Variants in FGF14 observed in about 807,000 individuals in gnomAD.
FGF14 encodes the protein fibroblast growth factor homologous factor 4.
FGF14 carries 5 observed loss-of-function variants against 25.5 expected under a neutral mutation model. The ratio of observed to expected loss-of-function variants is 0.20; its 90% CI spans 0.10 to 0.41. The LOEUF (loss-of-function observed/expected upper bound fraction) is 0.41, where lower values mean the gene tolerates loss of function less well. Among genes scored for constraint, FGF14 ranks in the 10% least tolerant of loss-of-function variants. FGF14 has a pLI of 1.00. For synonymous variants in FGF14, 138 were observed against 118.3 expected, an observed-to-expected ratio of 1.17 and a Z score of -1.08; for missense variants, 222 against 320.1, an observed-to-expected ratio of 0.69 and a Z score of 2.34.
Position 101,714,402 on chromosome 13 carries a change from TA to T in FGF14, c.*8428del. ...TATTCGAGATGGAAACCTTTAGTTA[TA>T]AGGTGATGGTGAGTAATAGCCTTTG... On this transcript the variant is annotated 3_prime_UTR_variant, in exon 5 of 5. Transcript: ENST00000376143. 8.7e-7 allele frequency: 1 copy of T among 1,150,474 alleles called. No homozygotes were observed. The highest frequency in any genetic ancestry group is 1.3e-6 in the Non-Finnish European group (1 of 757,770). The allele number at this position is 1,150,474 out of a possible 1,614,324, so 71.3% of individuals were successfully genotyped here.
At chr13:102,078,197 A>T (rs974761243) in intron 1 of FGF14, among the ~76,000 whole-genome samples, 6 of 152,186 alleles carry the variant, frequency 3.9e-5, no homozygotes, top group Non-Finnish European at 8.8e-5. Context: ...AGAAAAAATA[A>T]ATTCAAGAAA....
At chr13:102,057,450 A>C (rs2042484286) in intron 1 of FGF14, among the ~76,000 whole-genome samples, 1 of 152,148 alleles carries the variant, frequency 6.6e-6, no homozygotes, top group Non-Finnish European at 1.5e-5. Context: ...CCACAATTGG[A>C]TGGAGTAATT....
At chr13:101,794,231 C>G (rs145076259) in intron 3 of FGF14, among the ~76,000 whole-genome samples, 1 of 152,020 alleles carries the variant, frequency 6.6e-6, no homozygotes, top group African/African-American at 2.4e-5. Flanking sequence ...TACTGAGGCT[C>G]TCTGTAAGCA....
intron 3 of FGF14, among the ~76,000 whole-genome samples, chr13:101,742,194 T>G (rs889935996): frequency 1.3e-5 from 2 of 152,142 alleles, no homozygotes; most frequent in Admixed American, 1.3e-4. Context: ...ATCCATGTAA[T>G]TAGGACAAAT....
intron 1 of FGF14, among the ~76,000 whole-genome samples, chr13:102,257,337 C>CTTTTTTTTTTTTTT (rs2052492542): frequency 4.0e-5 from 1 of 24,978 alleles, no homozygotes; most frequent in Non-Finnish European, 9.1e-5. Context: ...CATTTCCTTT[C>CTTTTTTTTTTTTTT]TTTTCTTTTT....
Position 102,140,299 on chromosome 13 carries a change from A to C in FGF14, c.208+261172T>G, listed in dbSNP as rs374374982. The stretch of plus-strand genomic sequence containing the variant: ...ATCTGGTATATAGCAGATACTCAAT[A>C]ATGTTAACTAATTTTGCTATTATAT... On this transcript the variant is annotated intron_variant, in intron 1 of 4. Coordinates refer to the FGF14 transcript ENST00000376131. Among the ~76,000 whole-genome samples the C allele has an allele frequency of 3.9e-5, 6 of 152,270 alleles. No homozygotes were observed. In the East Asian group the frequency reaches 1.2e-3, roughly 29 times the overall value.
At chr13:101,937,946 T>C (rs2035211394) in intron 1 of FGF14, among the ~76,000 whole-genome samples, 1 of 152,134 alleles carries the variant, frequency 6.6e-6, no homozygotes. Flanking sequence ...CTTATGACAG[T>C]CCTAGAAAAC....
intron 1 of FGF14, among the ~76,000 whole-genome samples, chr13:102,270,978 G>T (rs933740723): frequency 6.6e-6 from 1 of 152,148 alleles, no homozygotes; most frequent in African/African-American, 2.4e-5. Flanking sequence ...TTTGCTGAAA[G>T]AAATGAATGC....
At chr13:101,859,805 C>T (rs2044315530) in intron 3 of FGF14, among the ~76,000 whole-genome samples, 2 of 152,204 alleles carry the variant, frequency 1.3e-5, no homozygotes, top group African/African-American at 4.8e-5. Context: ...CTGCTGATCA[C>T]CTCTGGAAGG....
At chr13:102,390,973 C>T (rs2058418767) in intron 1 of FGF14, among the ~76,000 whole-genome samples, 1 of 152,042 alleles carries the variant, frequency 6.6e-6, no homozygotes, top group African/African-American at 2.4e-5. Context: ...AAAACTTAAG[C>T]CGAATAAATA....
At chr13:102,329,295 T>G (rs2056561520) in intron 1 of FGF14, among the ~76,000 whole-genome samples, 1 of 152,138 alleles carries the variant, frequency 6.6e-6, no homozygotes, top group Admixed American at 6.5e-5. Flanking sequence ...AGATTTGGCT[T>G]CTTATTAGCC....
At chr13:101,844,436 T>TA (rs1470879629) in intron 3 of FGF14, among the ~76,000 whole-genome samples, 9 of 152,070 alleles carry the variant, frequency 5.9e-5, no homozygotes, top group African/African-American at 1.9e-4. Flanking sequence ...GAAGAACATA[T>TA]ATTTAAAGCC....
intron 3 of FGF14, among the ~76,000 whole-genome samples, chr13:101,833,400 T>C (rs1223605956): frequency 1.3e-5 from 2 of 152,098 alleles, no homozygotes; most frequent in African/African-American, 4.8e-5. Context: ...TTCAACAGCG[T>C]TGACTGAATA....
At chr13:101,957,183 C>T (rs1312346968) in intron 1 of FGF14, among the ~76,000 whole-genome samples, 1 of 152,094 alleles carries the variant, frequency 6.6e-6, no homozygotes, top group East Asian at 1.9e-4. Context: ...ACAGAATATA[C>T]AATACAGATA....
At chr13:102,300,924 CACACACACACACAT>C (rs910783164) in intron 1 of FGF14, among the ~76,000 whole-genome samples, 19 of 82,328 alleles carry the variant, frequency 2.3e-4, no homozygotes, top group African/African-American at 4.2e-4. Context: ...CACACAGACA[CACACACACACACAT>C]ACACACACAC....
chr13:101,906,003 C>T (rs1455620308), intron 1 of FGF14, among the ~76,000 whole-genome samples: 1 of 151,574 alleles, frequency 6.6e-6, no homozygotes, highest in Non-Finnish European at 1.5e-5. Context: ...CACTTCTCAT[C>T]TGAGCAGATG....
chr13:102,117,824 T>A (rs1335368022), intron 1 of FGF14, among the ~76,000 whole-genome samples: 1 of 152,198 alleles, frequency 6.6e-6, no homozygotes, highest in African/African-American at 2.4e-5. Flanking sequence ...GTATGTGTAT[T>A]TGTTTATTTT....
At chr13:102,057,369 G>A (rs1193522077) in intron 1 of FGF14, among the ~76,000 whole-genome samples, 2 of 152,152 alleles carry the variant, frequency 1.3e-5, no homozygotes, top group African/African-American at 4.8e-5. Context: ...AGTCAACAGT[G>A]AGTCTGATTG....
rs2034506508 is a variant in FGF14 at position 101,712,301 on chromosome 13, CT to C, written c.*10529del. On this transcript the variant is annotated 3_prime_UTR_variant, in exon 5 of 5. Coordinates refer to ENST00000376143, the MANE Select transcript of FGF14 (RefSeq NM_004115.4). ...ACAAAATCAATCCTCATTTTTTATT[CT>C]AAGTATTTCAGCGACTAGTAGACTT... The C allele has an allele frequency of 6.6e-6, 1 of 152,140 alleles. No homozygotes were observed. The highest frequency in any genetic ancestry group is 2.4e-5 in the African/African-American group (1 of 41,440). 9.4% of individuals were successfully genotyped at this position (152,140 alleles called of 1,614,324 possible).
Sources: gnomAD v4.1 joint callset for allele counts (sites outside exome capture counted in the v4.1 genomes callset) on GRCh38, gnomAD v4.1.1 for gene constraint, MANE v1.5 for transcripts, NCBI Gene and HGNC (gene_info 2026-07-23, HGNC 2026-07-21) for gene names.